Variants in CDON observed in about 807,000 individuals in gnomAD.
CDON encodes the protein cell adhesion associated, oncogene regulated.
Under a neutral mutation model 120.9 loss-of-function variants are expected in CDON, and 73 were observed. The ratio of observed to expected loss-of-function variants is 0.60; its 90% CI spans 0.50 to 0.73. The LOEUF (loss-of-function observed/expected upper bound fraction) is 0.73, where lower values mean the gene tolerates loss of function less well. Ranked by LOEUF, CDON falls within the 30% of genes least tolerant of loss-of-function variation. CDON has a pLI of 0.00. For synonymous variants in CDON, 566 were observed against 573.5 expected (o/e 0.99, Z 0.19); for missense variants, 1,470 against 1,587.3 (o/e 0.93, Z 1.26).
At chr11:126,031,752 G>A (rs1382552774) in intron 1 of CDON, among the ~76,000 whole-genome samples, 1 of 152,150 alleles carries the variant, frequency 6.6e-6, no homozygotes. Context: ...TATTTTCTAA[G>A]TGCAGTTTGA....
chr11:126,018,513 T>C (rs750937469), intron 4 of CDON, 40 bp from the exon 5 acceptor site: 2 of 1,566,488 alleles, frequency 1.3e-6, no homozygotes, highest in South Asian at 1.1e-5. Flanking sequence ...TCTCCCTTTA[T>C]GAAGGACACC....
intron 1 of CDON, among the ~76,000 whole-genome samples, chr11:126,055,848 T>C (rs1222905988): frequency 6.6e-6 from 1 of 152,218 alleles, no homozygotes; most frequent in Non-Finnish European, 1.5e-5. Context: ...GAAGAAAGAA[T>C]ACCCGACATT....
chr11:125,996,199 C>T (rs1456096257), intron 12 of CDON, among the ~76,000 whole-genome samples: 1 of 129,254 alleles, frequency 7.7e-6, no homozygotes, highest in Non-Finnish European at 1.7e-5. Flanking sequence ...CACACACACA[C>T]ACACACAAAG....
Position 125,971,192 on chromosome 11 carries a change from G to A in CDON, c.3356+7112C>T, listed in dbSNP as rs532091418. Reference sequence around the variant, plus strand: ...AGGTCAGGAGACCAAGACCATCCTGGCTAACACAGTGAAACCCCATCTCTA... The same window carrying A: ...AGGTCAGGAGACCAAGACCATCCTGACTAACACAGTGAAACCCCATCTCTA... On this transcript the variant is annotated intron_variant, in intron 18 of 19. Transcript: ENST00000531738. 3.5e-4 allele frequency among the ~76,000 whole-genome samples: 54 copies of A among 152,150 alleles called. No individual in the cohort carries two copies. In the East Asian group the frequency reaches 7.0e-3, roughly 20 times the overall value.
intron 1 of CDON, among the ~76,000 whole-genome samples, chr11:126,055,840 A>G (rs1362220149): frequency 6.6e-6 from 1 of 152,246 alleles, no homozygotes; most frequent in Non-Finnish European, 1.5e-5. Context: ...TAAGTAAGGA[A>G]GAAAGAATAC....
intron 1 of CDON, among the ~76,000 whole-genome samples, chr11:126,041,530 T>G (rs1948262793): frequency 6.6e-6 from 1 of 152,194 alleles, no homozygotes; most frequent in South Asian, 2.1e-4. Context: ...CATATGAACT[T>G]CTGTATAGTC....
chr11:126,019,698 A>T lies in CDON; in HGVS notation c.417T>A (p.Ile139=). 1 of 1,614,164 alleles carries T rather than the reference A, an allele frequency of 6.2e-7. No individual in the cohort carries two copies. Among genetic ancestry groups the T allele is most frequent in the Non-Finnish European group, 8.5e-7 (1 of 1,179,970 alleles). The change falls in exon 4 of 20, where the codon ATT becomes ATA. Residue 139 remains isoleucine, a synonymous_variant. Coordinates refer to ENST00000531738, the MANE Select transcript of CDON (RefSeq NM_001378964.1). ...ITAEEKSAGF[I]GCRVPESNPK... ...GGTTACTCTCCGGTACCCTGCAGCC[A>T]ATGAAACCAGCACTTTTTTCTTCTG...
chr11:125,990,161 G>A (rs1233512561), intron 14 of CDON, among the ~76,000 whole-genome samples: 4 of 152,092 alleles, frequency 2.6e-5, no homozygotes, highest in African/African-American at 7.2e-5. Context: ...CAGGACATTT[G>A]GGACCAGCAA....
In CDON at chr11:126,001,390, C is replaced by A. The variant is rs184373201; in HGVS notation, c.2158+329G>T. ...TTTTTAGTAGAGACAGGGTCTCCCC[C>A]TCTGTTGCCCAGGCTAGTCTCAAAC... On this transcript the variant is annotated intron_variant, in intron 11 of 19. Coordinates refer to ENST00000531738, the MANE Select transcript of CDON (RefSeq NM_001378964.1). Among the ~76,000 whole-genome samples the A allele has an allele frequency of 2.6e-5, 4 of 152,168 alleles. No individual in the cohort carries two copies. The East Asian group carries it at 7.7e-4, about 29-fold the overall frequency.
intron 1 of CDON, among the ~76,000 whole-genome samples, chr11:126,027,390 G>C (rs1339357777): frequency 6.6e-6 from 1 of 151,996 alleles, no homozygotes; most frequent in Non-Finnish European, 1.5e-5. Context: ...TCTTTCAATG[G>C]TACATCATTT....
chr11:126,010,506 A>T lies in CDON; in HGVS notation c.1387T>A (p.Ser463Thr), dbSNP rs146002530. The T allele has an allele frequency of 6.2e-7, 1 of 1,614,042 alleles. No individual in the cohort carries two copies. Among genetic ancestry groups the T allele is most frequent in the East Asian group, 2.2e-5 (1 of 44,884 alleles). The change falls in exon 8 of 20, where the codon TCA (serine) becomes ACA (threonine). Residue 463 changes from serine (S) to threonine (T), a missense_variant. Transcript: ENST00000531738. ...LRSKSRKSQL[S>T]RPEGLNLEPV... Reference sequence around the variant, plus strand: ...TCCAGGTTCAAGCCCTCAGGTCTTGATAACTGTGATTTTCGGGATTTCGAT... The same window carrying T: ...TCCAGGTTCAAGCCCTCAGGTCTTGTTAACTGTGATTTTCGGGATTTCGAT...
chr11:125,999,613 T>A (rs145071218), intron 11 of CDON, among the ~76,000 whole-genome samples: 24 of 152,308 alleles, frequency 1.6e-4, no homozygotes, highest in African/African-American at 5.8e-4. Context: ...CTAAAAACTC[T>A]TACTACTTAT....
intron 11 of CDON, among the ~76,000 whole-genome samples, chr11:125,998,447 T>C (rs2134550195): frequency 6.6e-6 from 1 of 152,236 alleles, no homozygotes; most frequent in East Asian, 1.9e-4. Flanking sequence ...CTTGCTTCCT[T>C]TCCCACCATG....
chr11:126,055,075 T>C (rs1360642830), intron 1 of CDON, among the ~76,000 whole-genome samples: 2 of 152,170 alleles, frequency 1.3e-5, no homozygotes, highest in African/African-American at 4.8e-5. Flanking sequence ...AGTCACGTGA[T>C]CACATATTTA....
At chr11:126,017,420 T>C in intron 5 of CDON, 45 bp from the exon 6 acceptor site, 4 of 1,575,044 alleles carry the variant, frequency 2.5e-6, no homozygotes, top group Non-Finnish European at 3.5e-6. Context: ...AGTCTTCGAT[T>C]CTAATCTCTT....
chr11:125,972,751 G>A (rs1000403118), intron 18 of CDON, among the ~76,000 whole-genome samples: 1 of 152,184 alleles, frequency 6.6e-6, no homozygotes, highest in African/African-American at 2.4e-5. Context: ...AGAGAAAAAA[G>A]AACCTGGAGT....
rs1407480878 is a variant in CDON, at chr11:125,961,107, T to C, written c.3632-2A>G. The C allele has an allele frequency of 4.3e-6, 7 of 1,613,354 alleles. No individual in the cohort carries two copies. Among genetic ancestry groups the C allele is most frequent in the Non-Finnish European group, 5.9e-6 (7 of 1,179,588 alleles). On this transcript the variant is annotated splice_acceptor_variant, in intron 19 of 19. Transcript: ENST00000531738. LOFTEE classifies it high-confidence loss of function. ...TTTCTGAATGGGCACAGCTGTCTCCTGAAACACAGCAGGGTTTGGGAGCAT... is the reference window on the plus strand; with the variant it reads ...TTTCTGAATGGGCACAGCTGTCTCCCGAAACACAGCAGGGTTTGGGAGCAT...
At chr11:126,052,705 C>T (rs1004998042) in intron 1 of CDON, among the ~76,000 whole-genome samples, 1 of 152,034 alleles carries the variant, frequency 6.6e-6, no homozygotes, top group African/African-American at 2.4e-5. Flanking sequence ...TGCTTGTAAT[C>T]CCAGCTACTT....
At chr11:126,010,851 T>C (rs1226771373) in intron 7 of CDON, 157 bp from the exon 8 acceptor site, 2 of 688,822 alleles carry the variant, frequency 2.9e-6, no homozygotes, top group Non-Finnish European at 5.3e-6. Flanking sequence ...CAAGTAAGAC[T>C]GTCAATAAAT....
Sources: gnomAD v4.1 joint callset for allele counts (sites outside exome capture counted in the v4.1 genomes callset) on GRCh38, gnomAD v4.1.1 for gene constraint, MANE v1.5 for transcripts, NCBI Gene and HGNC (gene_info 2026-07-23, HGNC 2026-07-21) for gene names.